DLGAP2: variants seen among roughly 807,000 people sequenced by gnomAD.
DLGAP2 encodes DLG associated protein 2.
A neutral mutation model predicts 100.3 loss-of-function variants in DLGAP2; 26 were observed. The observed-to-expected ratio is 0.26, with a 90% CI of 0.19 to 0.36. The LOEUF is 0.36. Ranked by LOEUF, DLGAP2 falls within the 10% of genes least tolerant of loss-of-function variation. The probability of loss-of-function intolerance (pLI) is 1.00; values close to 1 mark genes in which losing one functional copy is unlikely to be tolerated. For missense variants in DLGAP2, 1,858 were observed against 1,453.2 expected (o/e 1.28, Z -4.53); for synonymous variants, 886 against 630.1 (o/e 1.41, Z -6.08).
chr8:1,597,369 A>G (rs1312457886), intron 6 of DLGAP2, among the ~76,000 whole-genome samples: 1 of 117,484 alleles, frequency 8.5e-6, no homozygotes, highest in Non-Finnish European at 1.8e-5. Context: ...TCCATATGAA[A>G]TTTAAAGTAG....
intron 2 of DLGAP2, among the ~76,000 whole-genome samples, chr8:989,443 C>A (rs946209631): frequency 1.2e-4 from 19 of 152,146 alleles, no homozygotes; most frequent in Admixed American, 4.6e-4. Context: ...TCTCCTGTGT[C>A]CTGGGCGGCT....
intron 3 of DLGAP2, among the ~76,000 whole-genome samples, chr8:1,267,707 G>A (rs934458771): frequency 5.9e-5 from 9 of 151,996 alleles, no homozygotes; most frequent in South Asian, 2.1e-4. Context: ...CCTCCGTGTC[G>A]CTGGCCCCCT....
intron 2 of DLGAP2, among the ~76,000 whole-genome samples, chr8:915,557 AAAG>A (rs1193956552): frequency 6.7e-6 from 1 of 148,992 alleles, no homozygotes; most frequent in Non-Finnish European, 1.5e-5. Flanking sequence ...TAAAAAAAAA[AAAG>A]AAACCCATCG....
intron 2 of DLGAP2, among the ~76,000 whole-genome samples, chr8:1,090,102 G>A (rs1316697315): frequency 2.1e-5 from 3 of 141,616 alleles, no homozygotes; most frequent in Non-Finnish European, 4.6e-5. Flanking sequence ...GCAGACAGGG[G>A]TGGAAACTCA....
rs116313148 is a variant in DLGAP2 at position 1,694,437 on chromosome 8, C to T, written c.2797-2710C>T. ...GAGATTGAGGACTGACCACAGGGAG[C>T]GGAGCCTTTCGGGACGGACCGCGGG... On this transcript the variant is annotated intron_variant, in intron 13 of 14. Transcript: ENST00000637795. Among the ~76,000 whole-genome samples the T allele has an allele frequency of 5.4e-3, 830 of 152,300 alleles. 8 individuals are homozygous for T. The highest frequency in any genetic ancestry group is 0.018 in the African/African-American group (750 of 41,560).
Position 1,424,314 on chromosome 8 carries a change from A to G in DLGAP2, c.107-77052A>G, listed in dbSNP as rs138253464. Among the ~76,000 whole-genome samples the G allele has an allele frequency of 1.3e-3, 195 of 152,342 alleles. 2 individuals carry two copies. The highest frequency in any genetic ancestry group is 4.5e-3 in the African/African-American group (188 of 41,580). On this transcript the variant is annotated intron_variant, in intron 3 of 14. Coordinates refer to ENST00000637795, the MANE Select transcript of DLGAP2 (RefSeq NM_001346810.2). ...ATCTAAAGACAACAGAGACTTATTA[A>G]GACGTGCGTATCAAGGGCCCACTAT...
intron 4 of DLGAP2, among the ~76,000 whole-genome samples, chr8:1,501,867 C>G (rs1799735573): frequency 6.6e-6 from 1 of 152,192 alleles, no homozygotes; most frequent in Non-Finnish European, 1.5e-5. Flanking sequence ...TGACTGTGCG[C>G]TTCCTTCCAA....
intron 4 of DLGAP2, among the ~76,000 whole-genome samples, chr8:1,527,799 G>T (rs987986367): frequency 2.0e-5 from 3 of 152,134 alleles, no homozygotes; most frequent in Admixed American, 6.5e-5. Flanking sequence ...CACGCGTTTA[G>T]CATCTCCCAG....
At chr8:1,179,282 C>T (rs183577574) in intron 2 of DLGAP2, among the ~76,000 whole-genome samples, 7 of 152,356 alleles carry the variant, frequency 4.6e-5, no homozygotes, top group East Asian at 3.9e-4. Flanking sequence ...GGTGGGTGAG[C>T]ACTCAGCTCT....
intron 1 of DLGAP2, among the ~76,000 whole-genome samples, chr8:813,424 TATA>T (rs1159376711): frequency 1.3e-5 from 2 of 152,218 alleles, no homozygotes. Flanking sequence ...AGGTAGATTC[TATA>T]ATGTCATCTT....
chr8:1,352,946 C>G (rs969497767), intron 3 of DLGAP2, among the ~76,000 whole-genome samples: 1 of 152,220 alleles, frequency 6.6e-6, no homozygotes, highest in Non-Finnish European at 1.5e-5. Flanking sequence ...TGCTCTTTGA[C>G]TGTTCCAGAG....
intron 6 of DLGAP2, among the ~76,000 whole-genome samples, chr8:1,573,219 GAGGA>G (rs1802815402): frequency 7.2e-6 from 1 of 138,618 alleles, no homozygotes; most frequent in African/African-American, 2.8e-5. Flanking sequence ...ATGAGATGGA[GAGGA>G]GAGAGGGTGA....
At chr8:903,960 G>A (rs1235313528) in intron 1 of DLGAP2, among the ~76,000 whole-genome samples, 1 of 152,254 alleles carries the variant, frequency 6.6e-6, no homozygotes, top group African/African-American at 2.4e-5. Flanking sequence ...AGGCATCAGG[G>A]AGGGTGAGGA....
In DLGAP2 at chr8:785,211, G is replaced by C. The variant is rs557715645; in HGVS notation, c.18+47386G>C. ...TGGCCTGGCCTGGGCGACAGAGCGAGACTCCGCCTCAAAAAAAAAAAAAAA... is the reference window on the plus strand; with the variant it reads ...TGGCCTGGCCTGGGCGACAGAGCGACACTCCGCCTCAAAAAAAAAAAAAAA... On this transcript the variant is annotated intron_variant, in intron 1 of 14. Coordinates refer to ENST00000637795, the MANE Select transcript of DLGAP2 (RefSeq NM_001346810.2). 1.8e-4 allele frequency among the ~76,000 whole-genome samples: 20 copies of C among 108,454 alleles called. No individual in the cohort carries two copies. The East Asian group carries it at 2.5e-3, about 14-fold the overall frequency. The allele number at this position is 108,454 out of a possible 152,430, so 71.2% of individuals were successfully genotyped here. A position where few individuals can be genotyped will look rare whatever the true frequency, so the allele number is the denominator to read the frequency against.
At chr8:1,229,970 A>G (rs1342965905) in intron 2 of DLGAP2, among the ~76,000 whole-genome samples, 3 of 152,206 alleles carry the variant, frequency 2.0e-5, no homozygotes, top group African/African-American at 7.2e-5. Context: ...CAAGACAAGG[A>G]TGCCCACTCT....
intron 3 of DLGAP2, among the ~76,000 whole-genome samples, chr8:1,468,430 C>T (rs1427710923): frequency 6.6e-6 from 1 of 151,462 alleles, no homozygotes; most frequent in Non-Finnish European, 1.5e-5. Context: ...GTCCTGAGTC[C>T]CCAACAGCCA....
intron 2 of DLGAP2, among the ~76,000 whole-genome samples, chr8:1,229,965 C>G (rs1008000474): frequency 1.3e-5 from 2 of 152,154 alleles, no homozygotes; most frequent in South Asian, 4.1e-4. Context: ...TGGAACAAGA[C>G]AAGGATGCCC....
Position 1,356,778 on chromosome 8 carries a change from C to T in DLGAP2, c.106+97895C>T, listed in dbSNP as rs536052928. Among the ~76,000 whole-genome samples, 10 of 152,282 alleles carry T rather than the reference C, an allele frequency of 6.6e-5. No homozygotes were observed. In the South Asian group the frequency reaches 2.1e-3, roughly 32 times the overall value. ...AACAGACAGTGGGATATGGTGAAAC[C>T]ATGACAGTCAGTGAATGAGGTGAGT... is the stretch of plus-strand genomic sequence containing the variant. On this transcript the variant is annotated intron_variant, in intron 3 of 14. Coordinates refer to ENST00000637795, the MANE Select transcript of DLGAP2 (RefSeq NM_001346810.2).
At chr8:1,088,947 G>A (rs532388578) in intron 2 of DLGAP2, among the ~76,000 whole-genome samples, 3 of 91,044 alleles carry the variant, frequency 3.3e-5, no homozygotes, top group Non-Finnish European at 6.1e-5. Context: ...TGCCATTCTC[G>A]CTCCCCGGCC....
Sources: gnomAD v4.1 joint callset for allele counts (sites outside exome capture counted in the v4.1 genomes callset) on GRCh38, gnomAD v4.1.1 for gene constraint, MANE v1.5 for transcripts, NCBI Gene and HGNC (gene_info 2026-07-23, HGNC 2026-07-21) for gene names.